Variants in DOCK5 observed in about 807,000 individuals in gnomAD.
DOCK5 encodes the protein dedicator of cytokinesis 5.
DOCK5 carries 142 observed loss-of-function variants against 251.8 expected under a neutral mutation model. That is an observed-to-expected ratio of 0.56 (90% CI 0.49 to 0.65). The LOEUF is 0.65. DOCK5 is among the 30% of genes least tolerant of loss of function. DOCK5 has a pLI of 0.00. For missense variants in DOCK5, 2,111 were observed against 2,312.3 expected (o/e 0.91, Z 1.79); for synonymous variants, 842 against 835.5 (o/e 1.01, Z -0.13).
intron 1 of DOCK5, among the ~76,000 whole-genome samples, chr8:25,213,882 G>A (rs2117483200): frequency 6.6e-6 from 1 of 152,296 alleles, no homozygotes; most frequent in South Asian, 2.1e-4. Flanking sequence ...TACAGGTTGT[G>A]TGTCCCTTAT....
intron 13 of DOCK5, 120 bp downstream of exon 13, chr8:25,310,652 C>A: frequency 8.5e-7 from 1 of 1,170,444 alleles, no homozygotes; most frequent in Non-Finnish European, 1.2e-6. Flanking sequence ...GGTCCTGAGA[C>A]ACCTGGGACA....
At chr8:25,316,900 TAAAAC>T (rs1805265900) in intron 13 of DOCK5, 102 bp from the exon 14 acceptor site, 3 of 1,423,098 alleles carry the variant, frequency 2.1e-6, no homozygotes, top group Non-Finnish European at 2.8e-6. Flanking sequence ...TAGTTCAGTA[TAAAAC>T]CAGACCATTT....
chr8:25,238,021 T>C (rs1802845160), intron 1 of DOCK5, among the ~76,000 whole-genome samples: 1 of 152,212 alleles, frequency 6.6e-6, no homozygotes, highest in Non-Finnish European at 1.5e-5. Context: ...TTATTCATGT[T>C]CTAGAAAGAA....
Position 25,184,962 on chromosome 8 carries a change from G to A in DOCK5, c.43+11G>A. The stretch of plus-strand genomic sequence containing the variant: ...AGAAGTACGGGGTTGGTGAGTGCGC[G>A]CCCCACCTTGTCCCGGCCCGACCCA... On this transcript the variant is annotated intron_variant, in intron 1 of 51. Transcript: ENST00000276440. The A allele has an allele frequency of 1.4e-6, 2 of 1,402,114 alleles. No individual in the cohort carries two copies. The highest frequency in any genetic ancestry group is 3.4e-5 in the South Asian group (2 of 59,126). The allele number at this position is 1,402,114 out of a possible 1,614,324, so 86.9% of individuals were successfully genotyped here. A position where few individuals can be genotyped will look rare whatever the true frequency, so the allele number is the denominator to read the frequency against.
chr8:25,217,683 C>A (rs1213947742), intron 1 of DOCK5, among the ~76,000 whole-genome samples: 1 of 152,146 alleles, frequency 6.6e-6, no homozygotes, highest in Non-Finnish European at 1.5e-5. Flanking sequence ...CAGACCAGCA[C>A]CTGCAAGAAG....
Position 25,351,672 on chromosome 8 carries a change from C to T in DOCK5, c.2755-59C>T, listed in dbSNP as rs925937459. The stretch of plus-strand genomic sequence containing the variant: ...AGACAAAACTCATCTATCTGAGGTT[C>T]CTTAAAGAAAGTGAAACTGAGTCAG... On this transcript the variant is annotated intron_variant, in intron 26 of 51. Transcript: ENST00000276440. 6 of 1,360,604 alleles carry T rather than the reference C, an allele frequency of 4.4e-6. No individual in the cohort carries two copies. In the Admixed American group the frequency reaches 7.7e-5, roughly 17 times the overall value. The allele number at this position is 1,360,604 out of a possible 1,614,324, so 84.3% of individuals were successfully genotyped here.
chr8:25,325,776 T>C (rs1805549734), intron 18 of DOCK5, among the ~76,000 whole-genome samples: 1 of 152,226 alleles, frequency 6.6e-6, no homozygotes, highest in African/African-American at 2.4e-5. Flanking sequence ...TGAAAAACAT[T>C]TTAGTATTTA....
chr8:25,308,353 C>T (rs1308563351), intron 11 of DOCK5, among the ~76,000 whole-genome samples: 2 of 152,190 alleles, frequency 1.3e-5, no homozygotes, highest in African/African-American at 4.8e-5. Flanking sequence ...CATGCGATCC[C>T]AGCCCATCTC....
intron 45 of DOCK5, 192 bp downstream of exon 45, chr8:25,395,911 A>T (rs911668617): frequency 1.4e-6 from 1 of 737,544 alleles, no homozygotes; most frequent in Non-Finnish European, 2.3e-6. Context: ...CCCAGCTGGT[A>T]TAGAACTTAC....
intron 30 of DOCK5, among the ~76,000 whole-genome samples, chr8:25,365,814 C>T: frequency 6.6e-6 from 1 of 152,206 alleles, no homozygotes. Flanking sequence ...CTTCAGTGCC[C>T]TGCCTCCAGG....
chr8:25,397,590 A>G (rs1209819030), intron 45 of DOCK5, among the ~76,000 whole-genome samples: 1 of 152,252 alleles, frequency 6.6e-6, no homozygotes, highest in Non-Finnish European at 1.5e-5. Context: ...ATGGCAGTCA[A>G]TATAAAAATA....
chr8:25,233,332 T>A (rs935764281), intron 1 of DOCK5, among the ~76,000 whole-genome samples: 4 of 152,212 alleles, frequency 2.6e-5, no homozygotes, highest in Non-Finnish European at 5.9e-5. Context: ...CCCTGATGGG[T>A]TGCTTCCCTA....
chr8:25,400,001 G>A lies in DOCK5; in HGVS notation c.4788+7G>A, dbSNP rs1801409951. 6.2e-7 allele frequency: 1 copy of A among 1,612,594 alleles called. No homozygotes were observed. The highest frequency in any genetic ancestry group is 8.5e-7 in the Non-Finnish European group (1 of 1,179,164). On this transcript the variant is annotated splice_region_variant and intron_variant, in intron 46 of 51. Transcript: ENST00000276440. Reference sequence around the variant, plus strand: ...GCGACTAATAGCATTACAGGTACAGGACGGCTTTCCTCTACACTCCCAGGG... The same window carrying A: ...GCGACTAATAGCATTACAGGTACAGAACGGCTTTCCTCTACACTCCCAGGG...
intron 18 of DOCK5, among the ~76,000 whole-genome samples, chr8:25,327,273 T>A (rs986477925): frequency 6.6e-6 from 1 of 152,238 alleles, no homozygotes; most frequent in Admixed American, 6.5e-5. Context: ...CTTGTTTTCT[T>A]TATTCTTTTT....
chr8:25,315,509 G>A (rs1805221248), intron 13 of DOCK5, among the ~76,000 whole-genome samples: 1 of 152,214 alleles, frequency 6.6e-6, no homozygotes, highest in African/African-American at 2.4e-5. Context: ...CACGCCTGCT[G>A]CAGAGTAGGA....
At chr8:25,280,893 G>A (rs902579769) in intron 5 of DOCK5, among the ~76,000 whole-genome samples, 1 of 152,072 alleles carries the variant, frequency 6.6e-6, no homozygotes, top group African/African-American at 2.4e-5. Flanking sequence ...TTGCGTGTAC[G>A]TGGGTTGGTT....
At chr8:25,274,756 G>A (rs1174092082) in intron 3 of DOCK5, among the ~76,000 whole-genome samples, 1 of 152,108 alleles carries the variant, frequency 6.6e-6, no homozygotes, top group African/African-American at 2.4e-5. Flanking sequence ...CTATGTAGTT[G>A]ACCCGTGAAA....
intron 48 of DOCK5, 68 bp downstream of exon 48, chr8:25,403,792 C>G (rs2117340025): frequency 1.3e-6 from 2 of 1,524,308 alleles, no homozygotes; most frequent in Non-Finnish European, 1.8e-6. Context: ...CCTTTAGCCA[C>G]GCATCACTCC....
chr8:25,352,578 T>A (rs75133953), intron 27 of DOCK5, among the ~76,000 whole-genome samples: 3,375 of 152,280 alleles, frequency 0.022, 51 homozygotes, highest in South Asian at 0.077. Flanking sequence ...TATATTAAAA[T>A]CGAATTAGAT....
Sources: gnomAD v4.1 joint callset for allele counts (sites outside exome capture counted in the v4.1 genomes callset) on GRCh38, gnomAD v4.1.1 for gene constraint, MANE v1.5 for transcripts, NCBI Gene and HGNC (gene_info 2026-07-23, HGNC 2026-07-21) for gene names.